Variants in MYO5A observed in about 807,000 individuals in gnomAD.
MYO5A encodes unconventional myosin-Va.
MYO5A carries 98 observed loss-of-function variants against 249.7 expected under a neutral mutation model. The observed-to-expected ratio is 0.39, with a 90% CI of 0.33 to 0.46. MYO5A has a LOEUF of 0.46. MYO5A is among the 20% of genes least tolerant of loss of function. The pLI is 0.98. For synonymous variants in MYO5A, 778 were observed against 810.6 expected (o/e 0.96, Z 0.68); for missense variants, 1,696 against 2,308.8 (o/e 0.73, Z 5.44).
chr15:52,451,764 C>A (rs2076025065), intron 1 of MYO5A, among the ~76,000 whole-genome samples: 3 of 152,188 alleles, frequency 2.0e-5, no homozygotes. Context: ...TCCTCCTTAT[C>A]CTTCACATCT....
chr15:52,462,859 AAAG>A (rs2076281221), intron 1 of MYO5A, among the ~76,000 whole-genome samples: 2 of 152,098 alleles, frequency 1.3e-5, no homozygotes, highest in African/African-American at 4.8e-5. Context: ...AAAAAAAAAA[AAAG>A]GTTATGAAAT....
At chr15:52,504,435 G>A (rs2077223443) in intron 1 of MYO5A, among the ~76,000 whole-genome samples, 1 of 152,164 alleles carries the variant, frequency 6.6e-6, no homozygotes. Flanking sequence ...AATGTCCAAA[G>A]CATGACTAGA....
intron 1 of MYO5A, among the ~76,000 whole-genome samples, chr15:52,472,025 G>C (rs1441733547): frequency 6.6e-6 from 1 of 151,764 alleles, no homozygotes; most frequent in African/African-American, 2.4e-5. Context: ...ATGGCATCTG[G>C]CAACTCCTCT....
intron 3 of MYO5A, 38 bp downstream of exon 3, chr15:52,428,360 A>G (rs1233809394): frequency 1.3e-6 from 2 of 1,584,218 alleles, no homozygotes; most frequent in East Asian, 2.2e-5. Context: ...ATTAGAGGAA[A>G]GAGTCCACAG....
At chr15:52,492,921 T>G (rs1383198508) in intron 1 of MYO5A, among the ~76,000 whole-genome samples, 1 of 152,210 alleles carries the variant, frequency 6.6e-6, no homozygotes, top group African/African-American at 2.4e-5. Flanking sequence ...GTTTTGGTAG[T>G]TTTTAAACAT....
intron 1 of MYO5A, among the ~76,000 whole-genome samples, chr15:52,492,459 G>T (rs955855315): frequency 6.6e-6 from 1 of 152,204 alleles, no homozygotes; most frequent in Non-Finnish European, 1.5e-5. Flanking sequence ...AGTTTTTACT[G>T]AGGACAGGTT....
chr15:52,399,123 C>CA (rs2042625900), intron 9 of MYO5A, among the ~76,000 whole-genome samples: 1 of 151,824 alleles, frequency 6.6e-6, no homozygotes, highest in Non-Finnish European at 1.5e-5. Context: ...TTAAATTCTC[C>CA]ACAGCTTTAC....
Position 52,348,813 on chromosome 15 carries a change from ATTACCT to A in MYO5A, c.3857_3858+4del. 1.3e-6 allele frequency: 2 copies of A among 1,583,370 alleles called. No homozygotes were observed. The highest frequency in any genetic ancestry group is 1.7e-6 in the Non-Finnish European group (2 of 1,163,490). On this transcript the variant is annotated splice_donor_variant and splice_donor_region_variant and coding_sequence_variant and intron_variant, in exon 29 of 42. Coordinates refer to ENST00000399233, the MANE Select transcript of MYO5A (RefSeq NM_001382347.1). LOFTEE classifies it high-confidence loss of function. ...TTTACTAAAAAAAAAAAAAGGTATA[ATTACCT>A]TGTCATCCTGAGAATCACAAGTCAG...
chr15:52,501,378 T>A (rs1273994981), intron 1 of MYO5A, among the ~76,000 whole-genome samples: 1 of 152,062 alleles, frequency 6.6e-6, no homozygotes, highest in Non-Finnish European at 1.5e-5. Flanking sequence ...GGAGGGAGGA[T>A]CGCTTGAGCC....
chr15:52,480,348 A>T (rs1354393561), intron 1 of MYO5A, among the ~76,000 whole-genome samples: 1 of 152,246 alleles, frequency 6.6e-6, no homozygotes, highest in East Asian at 1.9e-4. Context: ...CACCTGCAGA[A>T]TTTAGGAAAA....
intron 1 of MYO5A, among the ~76,000 whole-genome samples, chr15:52,521,473 T>C (rs992071943): frequency 3.3e-5 from 5 of 152,174 alleles, no homozygotes; most frequent in African/African-American, 1.2e-4. Context: ...AAACCTATCT[T>C]TTTTGTGCAT....
At position 52,490,887 on chromosome 15, in the gene MYO5A, AT is replaced by A. The variant is rs566809586; in HGVS notation, c.27+37892del. 4.2e-4 allele frequency among the ~76,000 whole-genome samples: 64 copies of A among 151,954 alleles called. No homozygotes were observed. The East Asian group carries it at 0.012, about 29-fold the overall frequency. On this transcript the variant is annotated intron_variant, in intron 1 of 41. Coordinates refer to ENST00000399233, the MANE Select transcript of MYO5A (RefSeq NM_001382347.1). Reference sequence around the variant, plus strand: ...GAGGTGCAGCCACCACATCCAGCTAATTTTTTTATTTTTTGTATAGACGGGG... The same window carrying A: ...GAGGTGCAGCCACCACATCCAGCTAATTTTTTATTTTTTGTATAGACGGGG...
chr15:52,422,518 C>T (rs569895868), intron 4 of MYO5A, among the ~76,000 whole-genome samples: 2 of 152,262 alleles, frequency 1.3e-5, no homozygotes, highest in South Asian at 4.1e-4. Context: ...CTTAACTCCT[C>T]TTTTTCTCAA....
chr15:52,470,998 G>C (rs1287108603), intron 1 of MYO5A, among the ~76,000 whole-genome samples: 1 of 145,334 alleles, frequency 6.9e-6, no homozygotes, highest in Non-Finnish European at 1.5e-5. Flanking sequence ...ATTCCAGCCT[G>C]GGCGACAGAG....
chr15:52,354,327 C>T (rs2040100635), intron 25 of MYO5A, among the ~76,000 whole-genome samples: 1 of 152,050 alleles, frequency 6.6e-6, no homozygotes, highest in South Asian at 2.1e-4. Context: ...GGCAATTTTG[C>T]CGAACTTACT....
intron 40 of MYO5A, among the ~76,000 whole-genome samples, chr15:52,316,147 T>C (rs1045188223): frequency 3.7e-5 from 5 of 134,666 alleles, no homozygotes; most frequent in Non-Finnish European, 3.0e-5. Context: ...GGCAGGAGAA[T>C]GGCGTGAACC....
chr15:52,326,115 A>G lies in MYO5A; in HGVS notation c.4710+1737T>C, dbSNP rs115483671. ...ACCAGTTGCCAAAGTTGAAACAGGT[A>G]TGCAACACAAACATACGATTCAAAA... On this transcript the variant is annotated intron_variant, in intron 36 of 41. Transcript: ENST00000399233. Among the ~76,000 whole-genome samples, 925 of 152,370 alleles carry G rather than the reference A, an allele frequency of 6.1e-3. 8 individuals carry two copies. Among genetic ancestry groups the G allele is most frequent in the African/African-American group, 0.021 (888 of 41,584 alleles).
Position 52,406,175 on chromosome 15 carries a change from G to A in MYO5A, c.947-782C>T, listed in dbSNP as rs180673197. Among the ~76,000 whole-genome samples, 68 of 152,256 alleles carry A rather than the reference G, an allele frequency of 4.5e-4. 1 individual carries two copies. In the East Asian group the frequency reaches 7.1e-3, roughly 16 times the overall value. Reference sequence around the variant, plus strand: ...ATAATTACATGCAAATAGAAGCAGTGAAATTATTTCCAAATATGTAATCTT... The same window carrying A: ...ATAATTACATGCAAATAGAAGCAGTAAAATTATTTCCAAATATGTAATCTT... On this transcript the variant is annotated intron_variant, in intron 8 of 41. Coordinates refer to ENST00000399233, the MANE Select transcript of MYO5A (RefSeq NM_001382347.1).
At chr15:52,320,841 G>A (rs2038265937) in intron 38 of MYO5A, among the ~76,000 whole-genome samples, 3 of 151,986 alleles carry the variant, frequency 2.0e-5, no homozygotes, top group South Asian at 2.1e-4. Flanking sequence ...GTGAAACCCC[G>A]TCTCTACTAA....
Sources: allele counts gnomAD v4.1 joint callset (sites outside exome capture counted in the v4.1 genomes callset), GRCh38; gene constraint gnomAD v4.1.1; transcripts MANE v1.5; gene names NCBI Gene and HGNC (gene_info 2026-07-23, HGNC 2026-07-21).